The following SNX29 variants were observed in gnomAD, a reference collection of about 807,000 sequenced individuals.
The protein encoded by SNX29 is sorting nexin-29.
In SNX29, 78 loss-of-function variants were observed where a neutral mutation model predicts 102.1. The observed-to-expected ratio is 0.76, with a 90% CI of 0.64 to 0.92. The LOEUF is 0.92. SNX29 is among the 40% of genes least tolerant of loss of function. The probability of loss-of-function intolerance (pLI) is 0.00; values close to 1 mark genes in which losing one functional copy is unlikely to be tolerated. For missense variants in SNX29, 1,280 were observed against 1,061.7 expected (o/e 1.21, Z -2.86); for synonymous variants, 580 against 414.5 (o/e 1.40, Z -4.85).
intron 20 of SNX29, among the ~76,000 whole-genome samples, chr16:12,548,575 C>G (rs892666414): frequency 2.6e-5 from 4 of 152,140 alleles, no homozygotes; most frequent in Admixed American, 2.0e-4. Context: ...TGCTGGCTTC[C>G]CTGTAAGTCC....
chr16:12,207,843 G>T (rs915925448), intron 14 of SNX29, among the ~76,000 whole-genome samples: 3 of 152,120 alleles, frequency 2.0e-5, no homozygotes, highest in African/African-American at 4.8e-5. Flanking sequence ...GTTATTCTGT[G>T]GTCACGTCTT....
intron 9 of SNX29, 137 bp downstream of exon 9, chr16:12,061,783 G>A: frequency 1.5e-6 from 1 of 688,340 alleles, no homozygotes; most frequent in South Asian, 1.8e-5. Context: ...AGGGCCAGGG[G>A]GAGCTCACTG....
At chr16:12,364,155 G>T (rs2082383653) in intron 16 of SNX29, among the ~76,000 whole-genome samples, 1 of 103,868 alleles carries the variant, frequency 9.6e-6, no homozygotes, top group African/African-American at 4.0e-5. Context: ...ACCAAGCCTG[G>T]CTTGTTTGTT....
intron 19 of SNX29, among the ~76,000 whole-genome samples, chr16:12,519,067 T>C (rs1159317915): frequency 2.0e-5 from 3 of 152,122 alleles, no homozygotes; most frequent in Non-Finnish European, 2.9e-5. Context: ...TGCTATGTGG[T>C]CCGCTAATCA....
At chr16:12,275,148 G>T (rs905608802) in intron 14 of SNX29, among the ~76,000 whole-genome samples, 1 of 152,114 alleles carries the variant, frequency 6.6e-6, no homozygotes, top group African/African-American at 2.4e-5. Flanking sequence ...TTTGACTTTG[G>T]GCCTCTTGGG....
At chr16:12,186,733 C>G (rs2076520079) in intron 13 of SNX29, among the ~76,000 whole-genome samples, 1 of 152,250 alleles carries the variant, frequency 6.6e-6, no homozygotes, top group South Asian at 2.1e-4. Flanking sequence ...TTCTGGGTCC[C>G]TCTTCTGGCC....
intron 18 of SNX29, among the ~76,000 whole-genome samples, chr16:12,436,739 C>T (rs569762536): frequency 4.5e-4 from 68 of 152,334 alleles, no homozygotes; most frequent in African/African-American, 1.2e-3. Flanking sequence ...CTGCAACCTC[C>T]GCCTCCCGGG....
At chr16:12,321,653 C>T (rs990043359) in intron 15 of SNX29, among the ~76,000 whole-genome samples, 8 of 152,114 alleles carry the variant, frequency 5.3e-5, no homozygotes, top group African/African-American at 1.4e-4. Flanking sequence ...GGGCTGAAAG[C>T]GCACGCTGGA....
chr16:12,419,427 A>T (rs537914360), intron 18 of SNX29, among the ~76,000 whole-genome samples: 1 of 152,086 alleles, frequency 6.6e-6, no homozygotes. Flanking sequence ...CCCCATTGAC[A>T]CTTGCACGCT....
Position 12,269,017 on chromosome 16 carries a change from C to T in SNX29, c.1679-8916C>T, listed in dbSNP as rs150515640. Among the ~76,000 whole-genome samples the T allele has an allele frequency of 3.7e-3, 566 of 152,310 alleles. 4 individuals carry two copies. Among genetic ancestry groups the T allele is most frequent in the African/African-American group, 0.013 (538 of 41,574 alleles). On this transcript the variant is annotated intron_variant, in intron 14 of 20. Coordinates refer to ENST00000566228, the MANE Select transcript of SNX29 (RefSeq NM_032167.5). The stretch of plus-strand genomic sequence containing the variant: ...AAGTTTAGATGACCTGCTGATGGTA[C>T]TGACTAACCCACAGCTTTTCTGGAA...
At chr16:12,364,791 A>G (rs1231837763) in intron 16 of SNX29, among the ~76,000 whole-genome samples, 1 of 152,154 alleles carries the variant, frequency 6.6e-6, no homozygotes, top group African/African-American at 2.4e-5. Flanking sequence ...CCACTTAAGC[A>G]GAAAAGATGG....
Position 12,098,714 on chromosome 16 carries a change from A to G in SNX29, c.1402+19799A>G, listed in dbSNP as rs76421824. Among the ~76,000 whole-genome samples, 10 of 152,354 alleles carry G rather than the reference A, an allele frequency of 6.6e-5. No individual in the cohort carries two copies. Among genetic ancestry groups the G allele is most frequent in the African/African-American group, 2.4e-4 (10 of 41,586 alleles). On this transcript the variant is annotated intron_variant, in intron 11 of 20. Coordinates refer to ENST00000566228, the MANE Select transcript of SNX29 (RefSeq NM_032167.5). The surrounding 1 kb of genome is among the most constrained non-coding windows in gnomAD (Gnocchi z 6.0). ...CAGACAGACAGACACGTGAAGATCA[A>G]GAGGCTAGCTTTGTCATCAGTAAAG...
At chr16:12,352,974 G>A (rs889946727) in intron 15 of SNX29, among the ~76,000 whole-genome samples, 4 of 151,256 alleles carry the variant, frequency 2.6e-5, no homozygotes, top group East Asian at 1.9e-4. Flanking sequence ...GGATATAGGC[G>A]TGGGATATAG....
chr16:12,438,329 G>C (rs2085632582), intron 18 of SNX29, among the ~76,000 whole-genome samples: 1 of 152,150 alleles, frequency 6.6e-6, no homozygotes, highest in African/African-American at 2.4e-5. Context: ...TGAGAGCTCA[G>C]CTGGGTTCAG....
rs534432934 is a variant in SNX29, at chr16:12,453,799, T to A, written c.2038-23920T>A. 4.6e-5 allele frequency among the ~76,000 whole-genome samples: 7 copies of A among 152,336 alleles called. No individual in the cohort carries two copies. The South Asian group carries it at 1.0e-3, about 23-fold the overall frequency. On this transcript the variant is annotated intron_variant, in intron 18 of 20. Transcript: ENST00000566228. ...TCATTTATCTTTTCAGCTGTATTTG[T>A]TTGAGTCCTCAATAAGACTGTAGGC...
intron 19 of SNX29, among the ~76,000 whole-genome samples, chr16:12,519,952 C>T (rs938557053): frequency 6.6e-6 from 1 of 151,946 alleles, no homozygotes; most frequent in African/African-American, 2.4e-5. Context: ...CCACTGCACT[C>T]CAGCCTGGGC....
At chr16:12,518,059 G>A (rs1345381151) in intron 19 of SNX29, among the ~76,000 whole-genome samples, 1 of 152,198 alleles carries the variant, frequency 6.6e-6, no homozygotes, top group East Asian at 1.9e-4. Flanking sequence ...GCGGCCACGC[G>A]GCAAGGTTCC....
chr16:12,518,884 C>G (rs1305668959), intron 19 of SNX29, among the ~76,000 whole-genome samples: 1 of 152,198 alleles, frequency 6.6e-6, no homozygotes, highest in Non-Finnish European at 1.5e-5. Flanking sequence ...CTCTGACAGC[C>G]TCAGGGAATG....
intron 13 of SNX29, among the ~76,000 whole-genome samples, chr16:12,156,965 C>T (rs935421414): frequency 5.9e-5 from 9 of 152,170 alleles, no homozygotes; most frequent in Non-Finnish European, 7.3e-5. Context: ...AGTCGTGTTT[C>T]TCCTGGGAGC....
Sources: allele counts gnomAD v4.1 joint callset (sites outside exome capture counted in the v4.1 genomes callset), GRCh38; gene constraint gnomAD v4.1.1; non-coding constraint Gnocchi (gnomAD v3.1); transcripts MANE v1.5; gene names NCBI Gene and HGNC (gene_info 2026-07-23, HGNC 2026-07-21).